THSD4: variants seen among roughly 807,000 people sequenced by gnomAD.
The protein encoded by THSD4 is thrombospondin type 1 domain containing 4.
In THSD4, 69 loss-of-function variants were observed where a neutral mutation model predicts 119.0. The ratio of observed to expected loss-of-function variants is 0.58; its 90% confidence interval spans 0.48 to 0.71. The LOEUF is 0.71. Among genes scored for constraint, THSD4 ranks in the 30% least tolerant of loss-of-function variants. The pLI, the probability that THSD4 is intolerant of heterozygous loss-of-function variation, is 0.00. For synonymous variants in THSD4, 524 were observed against 540.4 expected (o/e 0.97, Z 0.42); for missense variants, 1,393 against 1,391.1 (o/e 1.00, Z -0.02).
At chr15:71,173,055 C>T (rs545709383) in intron 3 of THSD4, among the ~76,000 whole-genome samples, 1 of 151,788 alleles carries the variant, frequency 6.6e-6, no homozygotes, top group Non-Finnish European at 1.5e-5. Flanking sequence ...AAATAAAAGG[C>T]TTCCAAATTG....
intron 7 of THSD4, among the ~76,000 whole-genome samples, chr15:71,446,037 C>G (rs537125486): frequency 6.6e-6 from 1 of 152,192 alleles, no homozygotes. Context: ...CTTCAACTCT[C>G]CCAAAAGAAA....
At chr15:71,144,544 A>G (rs970022484) in intron 2 of THSD4, among the ~76,000 whole-genome samples, 1 of 152,192 alleles carries the variant, frequency 6.6e-6, no homozygotes, top group Admixed American at 6.5e-5. Flanking sequence ...AAAATTAGGA[A>G]TTAGCTGCCA....
At chr15:71,257,637 A>G (rs16953729) in intron 6 of THSD4, among the ~76,000 whole-genome samples, 2,793 of 152,224 alleles carry the variant, frequency 0.018, 103 homozygotes, top group African/African-American at 0.065. Context: ...TTTATTGCAG[A>G]ATCAATGCCT....
chr15:71,321,755 AT>A (rs1034602149), intron 6 of THSD4, among the ~76,000 whole-genome samples: 3 of 152,142 alleles, frequency 2.0e-5, no homozygotes, highest in Non-Finnish European at 4.4e-5. Flanking sequence ...ACATCAGACA[AT>A]TTTTTTAAGT....
intron 6 of THSD4, among the ~76,000 whole-genome samples, chr15:71,363,625 G>T (rs1227638331): frequency 7.9e-5 from 12 of 152,294 alleles, no homozygotes; most frequent in African/African-American, 2.9e-4. Flanking sequence ...ATGCGTCAAA[G>T]ATTTTATTTA....
chr15:71,755,274 A>G (rs2053518551), intron 14 of THSD4, among the ~76,000 whole-genome samples: 1 of 152,250 alleles, frequency 6.6e-6, no homozygotes. Context: ...GGTCAAGCCC[A>G]GCTTAGCAGT....
At chr15:71,658,874 C>A (rs1229401095) in intron 7 of THSD4, among the ~76,000 whole-genome samples, 1 of 152,112 alleles carries the variant, frequency 6.6e-6, no homozygotes, top group Admixed American at 6.5e-5. Context: ...GGTCAATGTG[C>A]GCTTGGGAAT....
chr15:71,684,374 C>T (rs994679763), intron 8 of THSD4, among the ~76,000 whole-genome samples: 2 of 152,054 alleles, frequency 1.3e-5, no homozygotes, highest in Non-Finnish European at 2.9e-5. Context: ...AGCAGACATC[C>T]TTAACCTATC....
At chr15:71,217,137 G>A (rs1441513424) in intron 4 of THSD4, among the ~76,000 whole-genome samples, 1 of 152,136 alleles carries the variant, frequency 6.6e-6, no homozygotes, top group Non-Finnish European at 1.5e-5. Flanking sequence ...AATATGTTTT[G>A]GAATTCAGAA....
chr15:71,748,226 C>T (rs773938175), intron 13 of THSD4, among the ~76,000 whole-genome samples, 195 bp from the exon 14 acceptor site: 6 of 152,052 alleles, frequency 3.9e-5, no homozygotes, highest in Non-Finnish European at 8.8e-5. Context: ...TTACAGTAGG[C>T]GAGGCATCTA....
At chr15:71,531,578 TC>T (rs1432500493) in intron 7 of THSD4, among the ~76,000 whole-genome samples, 2 of 152,222 alleles carry the variant, frequency 1.3e-5, no homozygotes, top group Non-Finnish European at 2.9e-5. Context: ...TGCAGACTTG[TC>T]ATGTGATCAT....
intron 6 of THSD4, among the ~76,000 whole-genome samples, chr15:71,363,856 G>A (rs2045924364): frequency 6.6e-6 from 1 of 152,198 alleles, no homozygotes; most frequent in Non-Finnish European, 1.5e-5. Context: ...CTCAGTTAAA[G>A]TAATGAAAGG....
At chr15:71,613,071 A>G (rs1193490876) in intron 7 of THSD4, among the ~76,000 whole-genome samples, 2 of 152,198 alleles carry the variant, frequency 1.3e-5, no homozygotes, top group East Asian at 3.8e-4. Context: ...GGAAAAGCAA[A>G]TGCATTTTCA....
At chr15:71,695,623 A>T (rs1194655954) in intron 8 of THSD4, among the ~76,000 whole-genome samples, 1 of 152,046 alleles carries the variant, frequency 6.6e-6, no homozygotes, top group Non-Finnish European at 1.5e-5. Flanking sequence ...GGGACAGATG[A>T]TGGTGACCAC....
intron 8 of THSD4, among the ~76,000 whole-genome samples, chr15:71,677,437 T>C (rs987992690): frequency 3.9e-5 from 6 of 152,222 alleles, no homozygotes; most frequent in Non-Finnish European, 5.9e-5. Flanking sequence ...GACTGTGCCC[T>C]CTTGCTGTGA....
chr15:71,597,817 A>G (rs926898652), intron 7 of THSD4, among the ~76,000 whole-genome samples: 2 of 152,156 alleles, frequency 1.3e-5, no homozygotes, highest in African/African-American at 4.8e-5. Context: ...GGCTTCCAAG[A>G]TGCCAGGGCC....
chr15:71,601,598 G>A (rs928639878), intron 7 of THSD4, among the ~76,000 whole-genome samples: 8 of 152,182 alleles, frequency 5.3e-5, no homozygotes, highest in East Asian at 1.9e-4. Flanking sequence ...CATTAAGAGC[G>A]TTTTCAAGAC....
chr15:71,461,776 A>G (rs1021896478), intron 7 of THSD4, among the ~76,000 whole-genome samples: 1 of 151,148 alleles, frequency 6.6e-6, no homozygotes, highest in Non-Finnish European at 1.5e-5. Flanking sequence ...TGATGAAGAC[A>G]TATGGGCACT....
chr15:71,445,249 C>T (rs1298488141), intron 7 of THSD4, among the ~76,000 whole-genome samples: 2 of 152,122 alleles, frequency 1.3e-5, no homozygotes, highest in Admixed American at 6.5e-5. Context: ...TCTTTTAAGA[C>T]ACCCATCATT....
Sources: allele counts gnomAD v4.1 joint callset (sites outside exome capture counted in the v4.1 genomes callset), GRCh38; gene constraint gnomAD v4.1.1; transcripts MANE v1.5; gene names NCBI Gene and HGNC (gene_info 2026-07-23, HGNC 2026-07-21).